Variants in ZNF518A observed in about 807,000 individuals in gnomAD.
ZNF518A encodes the protein zinc finger protein 518A.
ZNF518A carries 47 observed loss-of-function variants against 102.7 expected under a neutral mutation model. The observed-to-expected ratio is 0.46, with a 90% CI of 0.36 to 0.58. ZNF518A has a LOEUF of 0.58. Among genes scored for constraint, ZNF518A ranks in the 20% least tolerant of loss-of-function variants. The probability of loss-of-function intolerance (pLI) is 0.00; values close to 1 mark genes in which losing one functional copy is unlikely to be tolerated. For synonymous variants in ZNF518A, 652 were observed against 594.6 expected, an observed-to-expected ratio of 1.10 and a Z score of -1.40; for missense variants, 1,793 against 1,699.8, an observed-to-expected ratio of 1.05 and a Z score of -0.96.
intron 1 of ZNF518A, 99 bp downstream of exon 1, chr10:96,130,851 C>T (rs782820682): frequency 6.6e-6 from 1 of 152,272 alleles, no homozygotes; most frequent in Non-Finnish European, 1.5e-5. Flanking sequence ...CTATTCGTTA[C>T]ATGGTGTCCT....
chr10:96,202,738 T>G (rs898204430), intron 1 of ZNF518A, among the ~76,000 whole-genome samples: 2 of 152,158 alleles, frequency 1.3e-5, no homozygotes, highest in African/African-American at 4.8e-5. Context: ...AGACTTTCCC[T>G]AGGTGCACAG....
intron 3 of ZNF518A, among the ~76,000 whole-genome samples, chr10:96,150,153 T>C (rs34091243): frequency 0.13 from 18,677 of 143,822 alleles, 1,236 homozygotes; most frequent in Middle Eastern, 0.18. Flanking sequence ...TGAAACCCCG[T>C]CTCTACTAAA....
chr10:96,131,376 G>T (rs782529710), intron 1 of ZNF518A, among the ~76,000 whole-genome samples: 17 of 152,036 alleles, frequency 1.1e-4, no homozygotes, highest in African/African-American at 1.9e-4. Context: ...AACATTTTTT[G>T]AGTTTAACTG....
chr10:96,178,169 C>T (rs1194176801), intron 1 of ZNF518A, among the ~76,000 whole-genome samples: 1 of 152,074 alleles, frequency 6.6e-6, no homozygotes, highest in Admixed American at 6.5e-5. Flanking sequence ...AATTAGCAGA[C>T]TATGCCTTCT....
rs1390428695 is a variant in ZNF518A at position 96,200,321 on chromosome 10, TA to T, written n.36-3252del. 6.6e-6 allele frequency among the ~76,000 whole-genome samples: 1 copy of T among 152,190 alleles called. No individual in the cohort carries two copies. Among genetic ancestry groups the T allele is most frequent in the Non-Finnish European group, 1.5e-5 (1 of 68,044 alleles). Reference sequence around the variant, plus strand: ...TTTTCCTTTGATCAAACACAAGGATTATACCGTTAACTTGTTTTTTGTATTT... The same window carrying T: ...TTTTCCTTTGATCAAACACAAGGATTTACCGTTAACTTGTTTTTTGTATTT... On this transcript the variant is annotated intron_variant and non_coding_transcript_variant, in intron 1 of 2. Transcript: ENST00000442635. This position sits in a 1 kb window ranked among gnomAD's most constrained non-coding sequence, Gnocchi z 4.3.
chr10:96,168,791 CTT>C (rs782544702), intron 1 of ZNF518A, among the ~76,000 whole-genome samples: 8 of 152,124 alleles, frequency 5.3e-5, no homozygotes, highest in Non-Finnish European at 8.8e-5. Context: ...TCAAGATTCT[CTT>C]TTTGTCCTTG....
intron 3 of ZNF518A, among the ~76,000 whole-genome samples, chr10:96,141,431 C>G (rs587624674): frequency 2.0e-5 from 3 of 151,974 alleles, no homozygotes; most frequent in South Asian, 2.1e-4. Flanking sequence ...GCCTGGTGAC[C>G]GAAAACTATA....
At chr10:96,171,697 T>C (rs587641182) in intron 1 of ZNF518A, among the ~76,000 whole-genome samples, 1 of 152,288 alleles carries the variant, frequency 6.6e-6, no homozygotes, top group South Asian at 2.1e-4. Context: ...TAGACACATG[T>C]ATAATGTGGG....
rs1252489291 is a variant in ZNF518A at position 96,200,744 on chromosome 10, A to C, written n.36-2830A>C. On this transcript the variant is annotated intron_variant and non_coding_transcript_variant, in intron 1 of 2. Transcript: ENST00000442635. This position sits in a 1 kb window ranked among gnomAD's most constrained non-coding sequence, Gnocchi z 4.3. The stretch of plus-strand genomic sequence containing the variant: ...ATAAAATCTATGTGAGAGGAAGAAT[A>C]ATGAAAACACATTTCCTTGCTAGTT... Among the ~76,000 whole-genome samples, 1 of 152,222 alleles carries C rather than the reference A, an allele frequency of 6.6e-6. No homozygotes were observed. Among genetic ancestry groups the C allele is most frequent in the African/African-American group, 2.4e-5 (1 of 41,452 alleles).
At chr10:96,135,892 T>G (rs1388575492) in intron 3 of ZNF518A, among the ~76,000 whole-genome samples, 1 of 152,230 alleles carries the variant, frequency 6.6e-6, no homozygotes, top group African/African-American at 2.4e-5. Flanking sequence ...GGTTGGCCCA[T>G]TTAGGAAGAT....
At position 96,158,591 on chromosome 10, in the gene ZNF518A, G is replaced by A. The variant is rs368125918; in HGVS notation, c.2269G>A (p.Asp757Asn). The change falls in exon 6 of 6, where the codon GAT becomes AAT. Residue 757 changes from aspartate (D) to asparagine (N), a missense_variant. By Grantham distance (23) the Asp-to-Asn change is conservative. Coordinates refer to ENST00000316045, the MANE Select transcript of ZNF518A (RefSeq NM_001330736.2). The stretch of plus-strand genomic sequence containing the variant: ...TAAATGGGAAGACTTTTCTAATGTC[G>A]ATTCACCTATGATGCCTAGAATCAC... Reference protein sequence around the residue: ...KSKWEDFSNVDSPMMPRITSV... With the variant: ...KSKWEDFSNVNSPMMPRITSV... 8 of 1,613,058 alleles carry A rather than the reference G, an allele frequency of 5.0e-6. No individual in the cohort carries two copies. The highest frequency in any genetic ancestry group is 4.5e-5 in the East Asian group (2 of 44,860).
At chr10:96,134,440 G>A (rs1360712908) in intron 3 of ZNF518A, among the ~76,000 whole-genome samples, 2 of 152,094 alleles carry the variant, frequency 1.3e-5, no homozygotes, top group Non-Finnish European at 2.9e-5. Context: ...CGCCATGTTG[G>A]CCAGGCTGGT....
intron 3 of ZNF518A, among the ~76,000 whole-genome samples, chr10:96,145,650 T>C (rs1320459413): frequency 1.3e-5 from 2 of 152,224 alleles, no homozygotes; most frequent in African/African-American, 4.8e-5. Context: ...GAACACAGAA[T>C]TGAATGATAC....
intron 1 of ZNF518A, among the ~76,000 whole-genome samples, chr10:96,194,382 C>T (rs1326503860): frequency 6.6e-6 from 1 of 152,012 alleles, no homozygotes; most frequent in African/African-American, 2.4e-5. Context: ...AATAAAATTC[C>T]CCAATATAAA....
At chr10:96,179,068 T>C (rs1423419770) in intron 1 of ZNF518A, among the ~76,000 whole-genome samples, 2 of 152,128 alleles carry the variant, frequency 1.3e-5, no homozygotes, top group African/African-American at 4.8e-5. Flanking sequence ...AGCACTATCC[T>C]GATACTAAAA....
chr10:96,159,903 C>G lies in ZNF518A; in HGVS notation c.3581C>G (p.Pro1194Arg). 6.2e-7 allele frequency: 1 copy of G among 1,613,414 alleles called. No homozygotes were observed. The highest frequency in any genetic ancestry group is 8.5e-7 in the Non-Finnish European group (1 of 1,179,696). Residue 1194 changes from proline (P) to arginine (R), a missense_variant, in exon 6 of 6, where the codon CCC (proline) becomes CGC (arginine). By Grantham distance (103) the Pro-to-Arg change is moderately radical (BLOSUM62 -2). This residue lies in a region of ZNF518A where 1,741 missense variants were observed against 1,622.6 expected (regional missense o/e 1.07). Coordinates refer to ENST00000316045, the MANE Select transcript of ZNF518A (RefSeq NM_001330736.2). Reference sequence around the variant, plus strand: ...GAGCCAGAATCTAGAGATGCCTTACCCTTCTTACTAGATGACTTAATGCCA... The same window carrying G: ...GAGCCAGAATCTAGAGATGCCTTACGCTTCTTACTAGATGACTTAATGCCA... ...QKEPESRDAL[P>R]FLLDDLMPAN...
intron 1 of ZNF518A, among the ~76,000 whole-genome samples, chr10:96,172,958 G>T (rs1554891048): frequency 6.6e-6 from 1 of 152,054 alleles, no homozygotes; most frequent in African/African-American, 2.4e-5. Context: ...AATCAATCAT[G>T]GATCAAAAAT....
intron 3 of ZNF518A, among the ~76,000 whole-genome samples, chr10:96,153,311 A>G (rs144736108): frequency 4.6e-5 from 7 of 152,298 alleles, no homozygotes; most frequent in Middle Eastern, 3.4e-3. Flanking sequence ...CAGTCTACTG[A>G]CTCACATCCT....
At chr10:96,136,833 G>A (rs782746211) in intron 3 of ZNF518A, among the ~76,000 whole-genome samples, 3 of 152,052 alleles carry the variant, frequency 2.0e-5, no homozygotes, top group Non-Finnish European at 4.4e-5. Context: ...TCAGAGCCTC[G>A]CATCTGACCC....
Sources: gnomAD v4.1 joint callset for allele counts (sites outside exome capture counted in the v4.1 genomes callset) on GRCh38, gnomAD v4.1.1 for gene constraint, gnomAD v4.1.1 regional missense constraint, Gnocchi (gnomAD v3.1) non-coding constraint, MANE v1.5 for transcripts, NCBI Gene and HGNC (gene_info 2026-07-23, HGNC 2026-07-21) for gene names.